The following ARHGAP42 variants were observed in gnomAD, a reference collection of about 807,000 sequenced individuals.
ARHGAP42 encodes the protein Rho GTPase activating protein 42, also known as rho GTPase-activating protein 42.
Under a neutral mutation model 125.0 loss-of-function variants are expected in ARHGAP42, and 63 were observed. The ratio of observed to expected loss-of-function variants is 0.50; its 90% CI spans 0.41 to 0.62. The LOEUF is 0.62. ARHGAP42 is among the 20% of genes least tolerant of loss of function. ARHGAP42 has a pLI of 0.00. For missense variants in ARHGAP42, 766 were observed against 1,024.2 expected, an observed-to-expected ratio of 0.75 and a Z score of 3.44; for synonymous variants, 339 against 351.0, an observed-to-expected ratio of 0.97 and a Z score of 0.38.
chr11:100,731,260 G>T (rs1419781149), intron 1 of ARHGAP42, among the ~76,000 whole-genome samples: 1 of 151,990 alleles, frequency 6.6e-6, no homozygotes, highest in African/African-American at 2.4e-5. Flanking sequence ...CCGGGTTCAA[G>T]GGATTCTCCT....
At chr11:100,891,513 G>C (rs767219838) in intron 4 of ARHGAP42, among the ~76,000 whole-genome samples, 1 of 147,088 alleles carries the variant, frequency 6.8e-6, no homozygotes, top group Non-Finnish European at 1.5e-5. Context: ...TGCAATCTTG[G>C]CTTGCTGCAA....
intron 2 of ARHGAP42, among the ~76,000 whole-genome samples, chr11:100,778,849 T>C (rs2135004186): frequency 6.6e-6 from 1 of 152,338 alleles, no homozygotes; most frequent in Admixed American, 6.5e-5. Context: ...ATTTTTTAAC[T>C]GATGGATAGA....
intron 4 of ARHGAP42, among the ~76,000 whole-genome samples, chr11:100,897,258 G>T (rs566580365): frequency 8.0e-4 from 122 of 152,210 alleles, no homozygotes; most frequent in African/African-American, 2.8e-3. Context: ...TAGTATAGTT[G>T]GAAGTCAGGT....
chr11:100,974,631 C>A (rs1565302655), intron 19 of ARHGAP42, 28 bp downstream of exon 19: 1 of 1,527,566 alleles, frequency 6.5e-7, no homozygotes, highest in Non-Finnish European at 8.8e-7. Context: ...TAGGGAGATG[C>A]TTTCTTCATT....
chr11:100,784,107 A>G (rs1381681557), intron 2 of ARHGAP42, among the ~76,000 whole-genome samples: 1 of 152,164 alleles, frequency 6.6e-6, no homozygotes, highest in African/African-American at 2.4e-5. Flanking sequence ...ACTGGGTCCT[A>G]ATGGTTAGGT....
intron 4 of ARHGAP42, among the ~76,000 whole-genome samples, chr11:100,875,073 GTCTCTCTCTCTC>G (rs143461552): frequency 0.027 from 2,989 of 110,318 alleles, 68 homozygotes; most frequent in African/African-American, 0.075. Flanking sequence ...CTAATCCACT[GTCTCTCTCTCTC>G]TCTCTCTCTC....
At chr11:100,911,596 C>A (rs1224753342) in intron 4 of ARHGAP42, among the ~76,000 whole-genome samples, 1 of 151,976 alleles carries the variant, frequency 6.6e-6, no homozygotes, top group African/African-American at 2.4e-5. Context: ...GTGAGAGAGA[C>A]CTTTAGAAAG....
chr11:100,857,267 A>C (rs549211649), intron 3 of ARHGAP42, among the ~76,000 whole-genome samples: 1 of 152,286 alleles, frequency 6.6e-6, no homozygotes, highest in East Asian at 1.9e-4. Context: ...AAGGAAAAAT[A>C]ACCCAAGAAA....
At chr11:100,912,749 T>C (rs920418048) in intron 4 of ARHGAP42, among the ~76,000 whole-genome samples, 4 of 152,160 alleles carry the variant, frequency 2.6e-5, no homozygotes, top group Admixed American at 2.0e-4. Flanking sequence ...TCTCAGCTAT[T>C]CCCCCTCCCA....
intron 4 of ARHGAP42, among the ~76,000 whole-genome samples, chr11:100,895,477 T>G (rs1452291177): frequency 6.6e-6 from 1 of 151,694 alleles, no homozygotes; most frequent in East Asian, 1.9e-4. Flanking sequence ...CCAGAACTAT[T>G]CTTATAAAAG....
At chr11:100,849,418 A>G (rs896297400) in intron 3 of ARHGAP42, among the ~76,000 whole-genome samples, 1 of 152,210 alleles carries the variant, frequency 6.6e-6, no homozygotes, top group African/African-American at 2.4e-5. Flanking sequence ...ATTCTTAGCT[A>G]TGACTAAGAG....
chr11:100,870,546 G>T (rs1181808024), intron 4 of ARHGAP42, among the ~76,000 whole-genome samples: 1 of 152,128 alleles, frequency 6.6e-6, no homozygotes, highest in African/African-American at 2.4e-5. Context: ...TTTGTTCAGG[G>T]TCATTGGGTT....
chr11:100,973,138 T>A, intron 17 of ARHGAP42, 37 bp from the exon 18 acceptor site: 1 of 1,473,630 alleles, frequency 6.8e-7, no homozygotes, highest in Non-Finnish European at 9.1e-7. Flanking sequence ...TTTTGAAACA[T>A]ATAACTTAAG....
At chr11:100,742,620 TATC>T (rs1194699195) in intron 1 of ARHGAP42, among the ~76,000 whole-genome samples, 3 of 152,178 alleles carry the variant, frequency 2.0e-5, no homozygotes, top group Non-Finnish European at 2.9e-5. Context: ...GGTCCATAGA[TATC>T]ATCTGTATTC....
Position 100,790,939 on chromosome 11 carries a change from G to T in ARHGAP42, c.251-4166G>T, listed in dbSNP as rs560948821. On this transcript the variant is annotated intron_variant, in intron 2 of 23. Coordinates refer to ENST00000298815, the MANE Select transcript of ARHGAP42 (RefSeq NM_152432.4). Reference sequence around the variant, plus strand: ...ATACGAGGTATTACAAATTATTGCTGATAATTGAGTATTAGAAATGTGCAT... The same window carrying T: ...ATACGAGGTATTACAAATTATTGCTTATAATTGAGTATTAGAAATGTGCAT... Among the ~76,000 whole-genome samples the T allele has an allele frequency of 5.9e-5, 9 of 152,270 alleles. No individual in the cohort carries two copies. In the East Asian group the frequency reaches 1.7e-3, roughly 29 times the overall value.
At chr11:100,798,727 T>C (rs1565218684) in intron 3 of ARHGAP42, among the ~76,000 whole-genome samples, 1 of 152,216 alleles carries the variant, frequency 6.6e-6, no homozygotes, top group East Asian at 1.9e-4. Context: ...ATTCACTTTA[T>C]TGCAGTAACT....
At chr11:100,871,821 G>A (rs570094846) in intron 4 of ARHGAP42, among the ~76,000 whole-genome samples, 1 of 152,110 alleles carries the variant, frequency 6.6e-6, no homozygotes, top group Non-Finnish European at 1.5e-5. Flanking sequence ...TTGGCTCACC[G>A]CAACCTCTGC....
In ARHGAP42 at chr11:100,779,485, T is replaced by TAC. The variant is rs1288145501; in HGVS notation, c.250+9059_250+9060dup. ...AAAAAAAAATATATATATATATATA[T>TAC]ACACACACACACATATATACACGTA... On this transcript the variant is annotated intron_variant, in intron 2 of 23. Transcript: ENST00000298815. Among the ~76,000 whole-genome samples, 449 of 81,134 alleles carry TAC rather than the reference T, an allele frequency of 5.5e-3. 16 individuals carry two copies. Among genetic ancestry groups the TAC allele is most frequent in the African/African-American group, 0.015 (349 of 22,860 alleles). The allele number at this position is 81,134 out of a possible 152,430, so 53.2% of individuals were successfully genotyped here.
chr11:100,888,295 C>T (rs1866141893), intron 4 of ARHGAP42, among the ~76,000 whole-genome samples: 1 of 151,470 alleles, frequency 6.6e-6, no homozygotes, highest in African/African-American at 2.4e-5. Flanking sequence ...CCTGTAAAAA[C>T]TTCCACTACT....
Sources: gnomAD v4.1 joint callset for allele counts (sites outside exome capture counted in the v4.1 genomes callset) on GRCh38, gnomAD v4.1.1 for gene constraint, MANE v1.5 for transcripts, NCBI Gene and HGNC (gene_info 2026-07-23, HGNC 2026-07-21) for gene names.